Variants in CERS6 observed in about 807,000 individuals in gnomAD.
The protein encoded by CERS6 is ceramide synthase 6.
CERS6 carries 26 observed loss-of-function variants against 56.8 expected under a neutral mutation model. The observed-to-expected ratio is 0.46, with a 90% CI of 0.34 to 0.63. The LOEUF is 0.63. Among genes scored for constraint, CERS6 ranks in the 30% least tolerant of loss-of-function variants. The pLI, the probability that CERS6 is intolerant of heterozygous loss-of-function variation, is 0.01. For synonymous variants in CERS6, 164 were observed against 173.3 expected, an observed-to-expected ratio of 0.95 and a Z score of 0.42; for missense variants, 415 against 467.5, an observed-to-expected ratio of 0.89 and a Z score of 1.04.
At chr2:168,704,284 G>A (rs1686877366) in intron 6 of CERS6, among the ~76,000 whole-genome samples, 2 of 152,120 alleles carry the variant, frequency 1.3e-5, no homozygotes, top group Admixed American at 6.5e-5. Flanking sequence ...GCATTACAGA[G>A]AGCCACGCGG....
At chr2:168,489,087 G>C (rs546705854) in intron 1 of CERS6, among the ~76,000 whole-genome samples, 1 of 152,248 alleles carries the variant, frequency 6.6e-6, no homozygotes, top group African/African-American at 2.4e-5. Context: ...GAGCAAGTCT[G>C]CTGAAAATGA....
intron 7 of CERS6, among the ~76,000 whole-genome samples, 194 bp from the exon 8 acceptor site, chr2:168,717,678 C>T (rs1444248180): frequency 6.6e-6 from 1 of 152,188 alleles, no homozygotes; most frequent in Non-Finnish European, 1.5e-5. Flanking sequence ...TGCTGCCTTT[C>T]ACTCAACTTA....
Position 168,574,672 on chromosome 2 carries a change from G to C in CERS6, c.407+13350G>C, listed in dbSNP as rs1225440447. Among the ~76,000 whole-genome samples the C allele has an allele frequency of 2.0e-5, 3 of 150,858 alleles. No individual in the cohort carries two copies. In the Admixed American group the frequency reaches 2.0e-4, roughly 10 times the overall value. On this transcript the variant is annotated intron_variant, in intron 3 of 9. Transcript: ENST00000305747. ...TGCCAAACACATAGTCAGAGCTCAA[G>C]AAAACTAATTAATTTTGATCAATTC... is the stretch of plus-strand genomic sequence containing the variant.
chr2:168,658,491 A>G (rs980456885), intron 4 of CERS6, among the ~76,000 whole-genome samples: 1 of 152,254 alleles, frequency 6.6e-6, no homozygotes, highest in Non-Finnish European at 1.5e-5. Context: ...GACCCTCCAC[A>G]GAAGAGGGAA....
chr2:168,601,941 G>T lies in CERS6; in HGVS notation c.408-29044G>T, dbSNP rs78221661. On this transcript the variant is annotated intron_variant, in intron 3 of 9. Transcript: ENST00000305747. ...TGTTGAACTTGAAAATACAGAAGTA[G>T]AATATTTTTACATGACTTCTAGAAA... 1.4e-3 allele frequency among the ~76,000 whole-genome samples: 219 copies of T among 152,232 alleles called. 5 individuals carry two copies. The East Asian group carries it at 0.027, about 19-fold the overall frequency.
chr2:168,601,787 T>A (rs780444345), intron 3 of CERS6, among the ~76,000 whole-genome samples: 1 of 152,172 alleles, frequency 6.6e-6, no homozygotes, highest in Non-Finnish European at 1.5e-5. Flanking sequence ...TGACATCAGG[T>A]GATCCGCCCA....
chr2:168,623,880 C>T lies in CERS6; in HGVS notation c.408-7105C>T, dbSNP rs546386559. ...AGACCTGGTGTGAAAAACGGGGACA[C>T]CTGTTTTCTTTCACAAAGTTACTTG... On this transcript the variant is annotated intron_variant, in intron 3 of 9. Coordinates refer to ENST00000305747, the MANE Select transcript of CERS6 (RefSeq NM_203463.3). Among the ~76,000 whole-genome samples, 61 of 152,222 alleles carry T rather than the reference C, an allele frequency of 4.0e-4. 1 individual carries two copies. The highest frequency in any genetic ancestry group is 1.2e-3 in the African/African-American group (51 of 41,554).
At chr2:168,631,743 TTATA>T (rs1265648327) in intron 4 of CERS6, among the ~76,000 whole-genome samples, 2 of 121,954 alleles carry the variant, frequency 1.6e-5, no homozygotes, top group Non-Finnish European at 3.2e-5. Context: ...TATAACATAA[TTATA>T]TATATTTTCA....
chr2:168,745,397 A>G (rs1203758953), intron 8 of CERS6, among the ~76,000 whole-genome samples: 3 of 151,856 alleles, frequency 2.0e-5, no homozygotes, highest in Admixed American at 1.3e-4. Context: ...GCCCACCACC[A>G]CGCCTAGCTA....
intron 4 of CERS6, among the ~76,000 whole-genome samples, chr2:168,639,779 A>G (rs1162024251): frequency 6.6e-6 from 1 of 152,150 alleles, no homozygotes; most frequent in African/African-American, 2.4e-5. Flanking sequence ...GTGTGGTTCC[A>G]GGGGAACTCT....
At chr2:168,558,685 C>T (rs6707779) in intron 2 of CERS6, among the ~76,000 whole-genome samples, 150,480 of 151,662 alleles carry the variant, frequency 0.99, 74,662 homozygotes, top group South Asian at 1. Context: ...CTGGCTAACA[C>T]AGTGAAACCC....
chr2:168,651,132 TTTTA>T (rs1685331007), intron 4 of CERS6, among the ~76,000 whole-genome samples: 1 of 152,172 alleles, frequency 6.6e-6, no homozygotes, highest in Non-Finnish European at 1.5e-5. Context: ...TTTTCTAACT[TTTTA>T]TATACAGGAA....
rs147984164 is a variant in CERS6, at chr2:168,533,966, C to A, written c.171-13630C>A. ...GTCTGCATGCCTTATTTCAGTAGGG[C>A]GGTCTTCAAACTCTGATATGCTTTC... is the stretch of plus-strand genomic sequence containing the variant. On this transcript the variant is annotated intron_variant, in intron 1 of 9. Coordinates refer to ENST00000305747, the MANE Select transcript of CERS6 (RefSeq NM_203463.3). 2.0e-5 allele frequency among the ~76,000 whole-genome samples: 3 copies of A among 151,850 alleles called. No homozygotes were observed. In the East Asian group the frequency reaches 5.8e-4, roughly 30 times the overall value.
At chr2:168,765,817 TA>T (rs2105466451) in intron 9 of CERS6, 69 bp downstream of exon 9, 2 of 1,355,890 alleles carry the variant, frequency 1.5e-6, no homozygotes, top group South Asian at 2.7e-5. Context: ...CTGGATCAAC[TA>T]TTTACTATTC....
At chr2:168,561,354 G>A (rs754529294) in intron 3 of CERS6, 32 bp downstream of exon 3, 2 of 1,613,438 alleles carry the variant, frequency 1.2e-6, no homozygotes, top group South Asian at 2.2e-5. Flanking sequence ...TGAAAGAAAA[G>A]ACCTAAGTAC....
intron 8 of CERS6, among the ~76,000 whole-genome samples, chr2:168,762,734 A>G (rs896118316): frequency 2.6e-5 from 4 of 152,322 alleles, no homozygotes; most frequent in Non-Finnish European, 1.5e-5. Flanking sequence ...ACATATGTGT[A>G]TTATGTATTA....
chr2:168,514,078 T>G (rs933759376), intron 1 of CERS6, among the ~76,000 whole-genome samples: 1 of 152,234 alleles, frequency 6.6e-6, no homozygotes, highest in African/African-American at 2.4e-5. Context: ...ATTTACGGTG[T>G]TGTTATTTGC....
chr2:168,583,990 G>A (rs562312243), intron 3 of CERS6, among the ~76,000 whole-genome samples: 74 of 152,308 alleles, frequency 4.9e-4, no homozygotes, highest in Non-Finnish European at 7.2e-4. Context: ...CGCTTCCTTA[G>A]TCATCTTATT....
intron 8 of CERS6, among the ~76,000 whole-genome samples, chr2:168,760,360 G>C (rs1684538192): frequency 1.3e-5 from 2 of 152,050 alleles, no homozygotes; most frequent in South Asian, 4.1e-4. Flanking sequence ...GGCCAGTCTC[G>C]CGTTTCCCAT....
Sources: gnomAD v4.1 joint callset for allele counts (sites outside exome capture counted in the v4.1 genomes callset) on GRCh38, gnomAD v4.1.1 for gene constraint, MANE v1.5 for transcripts, NCBI Gene and HGNC (gene_info 2026-07-23, HGNC 2026-07-21) for gene names.